Variants in LPCAT3 observed in about 807,000 individuals in gnomAD.
LPCAT3 encodes the protein lysophospholipid acyltransferase 5.
A neutral mutation model predicts 63.4 loss-of-function variants in LPCAT3; 21 were observed. That is an observed-to-expected ratio of 0.33 (90% CI 0.23 to 0.48). LPCAT3 has a LOEUF of 0.48. Among genes scored for constraint, LPCAT3 ranks in the 20% least tolerant of loss-of-function variants. LPCAT3 has a pLI of 0.99. For missense variants in LPCAT3, 451 were observed against 590.6 expected (o/e 0.76, Z 2.45); for synonymous variants, 242 against 227.5 (o/e 1.06, Z -0.58).
intron 1 of LPCAT3, among the ~76,000 whole-genome samples, chr12:7,015,167 G>A (rs1362101711): frequency 6.6e-6 from 1 of 152,210 alleles, no homozygotes; most frequent in Non-Finnish European, 1.5e-5. Flanking sequence ...ACACAGAACT[G>A]AAGTAAAAAA....
chr12:7,006,769 T>G (rs34962575), intron 1 of LPCAT3, among the ~76,000 whole-genome samples: 26,552 of 152,102 alleles, frequency 0.17, 3,999 homozygotes, highest in African/African-American at 0.41. Context: ...GAACTTTATG[T>G]GTACTATTTC....
At chr12:6,978,005 A>G (rs945386928) in intron 9 of LPCAT3, 3 of 560,540 alleles carry the variant, frequency 5.4e-6, no homozygotes, top group Non-Finnish European at 9.6e-6. Flanking sequence ...TCAGTGGTGA[A>G]CCAGACACTC....
chr12:6,997,307 C>G (rs1946644975), intron 1 of LPCAT3: 1 of 151,798 alleles, frequency 6.6e-6, no homozygotes, highest in Admixed American at 6.6e-5. Context: ...TCAAGTGATC[C>G]TCCTGCCTGA....
chr12:7,013,723 C>T lies in LPCAT3; in HGVS notation c.151+4551G>A, dbSNP rs781903584. ...TGCCCACTTTCTCCTCTCAGCACAG[C>T]CACCCTGCCTCCAAGTCATTATAAC... On this transcript the variant is annotated intron_variant, in intron 1 of 12. Transcript: ENST00000261407. Among the ~76,000 whole-genome samples, 6 of 152,290 alleles carry T rather than the reference C, an allele frequency of 3.9e-5. No homozygotes were observed. In the East Asian group the frequency reaches 9.6e-4, roughly 24 times the overall value.
At chr12:6,982,583 G>A in intron 3 of LPCAT3, 93 bp downstream of exon 3, 2 of 895,300 alleles carry the variant, frequency 2.2e-6, no homozygotes, top group Non-Finnish European at 3.6e-6. Context: ...TAGAAATTAG[G>A]TCTGCTAATT....
At chr12:7,005,326 TATTC>T (rs781991008) in intron 1 of LPCAT3, among the ~76,000 whole-genome samples, 12 of 152,258 alleles carry the variant, frequency 7.9e-5, no homozygotes, top group Non-Finnish European at 1.3e-4. Context: ...ACATTTTGTG[TATTC>T]ATTCAATTTG....
At chr12:7,005,332 T>C (rs1310811184) in intron 1 of LPCAT3, among the ~76,000 whole-genome samples, 1 of 152,256 alleles carries the variant, frequency 6.6e-6, no homozygotes, top group African/African-American at 2.4e-5. Flanking sequence ...TGTGTATTCA[T>C]TCAATTTGTC....
rs782260729 is a variant in LPCAT3 at position 6,994,283 on chromosome 12, C to T, written c.152-10744G>A. On this transcript the variant is annotated intron_variant, in intron 1 of 12. Transcript: ENST00000261407. The stretch of plus-strand genomic sequence containing the variant: ...AGTGCAGTGGCATGATCTTGGCTCA[C>T]GGCAACCTCCGCTTCCCAGGTTCAA... Among the ~76,000 whole-genome samples, 13 of 152,280 alleles carry T rather than the reference C, an allele frequency of 8.5e-5. No individual in the cohort carries two copies. The East Asian group carries it at 2.3e-3, about 27-fold the overall frequency.
At chr12:6,997,468 C>CA (rs1462479427) in intron 1 of LPCAT3, 3 of 154,358 alleles carry the variant, frequency 1.9e-5, no homozygotes, top group Non-Finnish European at 4.3e-5. Flanking sequence ...GGCTGGAGTG[C>CA]AGTGGTGCAA....
chr12:6,981,778 A>T (rs1275378792), intron 4 of LPCAT3, 33 bp downstream of exon 4: 1 of 1,559,250 alleles, frequency 6.4e-7, no homozygotes, highest in Non-Finnish European at 8.8e-7. Context: ...AGGGACCTAC[A>T]TGTAAGGAAG....
rs781810949 is a variant in LPCAT3 at position 6,978,663 on chromosome 12, C to T, written c.813G>A (p.Met271Ile). 3.1e-6 allele frequency: 5 copies of T among 1,614,216 alleles called. No homozygotes were observed. Among genetic ancestry groups the T allele is most frequent in the Middle Eastern group, 1.6e-4 (1 of 6,062 alleles). Residue 271 changes from methionine (M) to isoleucine (I), a missense_variant, in exon 8 of 13, where the codon ATG becomes ATA. Transcript: ENST00000261407. ...YDNHPFWFRCMYMLIWGKFVL... is the reference protein window; with the variant it reads ...YDNHPFWFRCIYMLIWGKFVL... ...CAAACTTGCCCCAGATCAGCATGTA[C>T]ATGCAGCGGAACCAGAAGGGGTGGT...
intron 1 of LPCAT3, 95 bp from the exon 2 acceptor site, chr12:6,983,634 G>A: frequency 2.7e-6 from 2 of 745,202 alleles, no homozygotes; most frequent in African/African-American, 1.8e-5. Context: ...CAGCCCAGAG[G>A]GAGAGAGAAA....
At chr12:7,013,407 G>A (rs1479395124) in intron 1 of LPCAT3, among the ~76,000 whole-genome samples, 1 of 152,210 alleles carries the variant, frequency 6.6e-6, no homozygotes, top group Non-Finnish European at 1.5e-5. Flanking sequence ...GGCTGCTTTT[G>A]GAGAGTGGAC....
At chr12:7,016,667 A>T (rs782217296) in intron 1 of LPCAT3, among the ~76,000 whole-genome samples, 1 of 152,242 alleles carries the variant, frequency 6.6e-6, no homozygotes, top group Non-Finnish European at 1.5e-5. Flanking sequence ...GATTATAAGC[A>T]TAAGCCGCTG....
At position 6,989,371 on chromosome 12, in the gene LPCAT3, G is replaced by A. The variant is rs781965065; in HGVS notation, c.152-5832C>T. ...GTCGCCCAGGCTGGAGTGCAGTGGT[G>A]CAATCTCGGCTCACTGCAAGCTCCG... On this transcript the variant is annotated intron_variant, in intron 1 of 12. Transcript: ENST00000261407. Among the ~76,000 whole-genome samples, 14 of 147,858 alleles carry A rather than the reference G, an allele frequency of 9.5e-5. No individual in the cohort carries two copies. In the South Asian group the frequency reaches 1.9e-3, roughly 21 times the overall value.
Position 6,987,656 on chromosome 12 carries a change from G to C in LPCAT3, c.152-4117C>G, listed in dbSNP as rs1555154950. 2.5e-6 allele frequency: 1 copy of C among 394,900 alleles called. No homozygotes were observed. The highest frequency in any genetic ancestry group is 4.5e-6 in the Non-Finnish European group (1 of 224,416). The allele number at this position is 394,900 out of a possible 1,614,324, so 24.5% of individuals were successfully genotyped here. On this transcript the variant is annotated intron_variant, in intron 1 of 12. Transcript: ENST00000261407. The surrounding 1 kb of genome is among the most constrained non-coding windows in gnomAD (Gnocchi z 4.1). The stretch of plus-strand genomic sequence containing the variant: ...AATTATCTAGAGCACTCATAAATAA[G>C]TTCTAGGTAGCTAAGTTTCTCTCTT...
intron 1 of LPCAT3, among the ~76,000 whole-genome samples, chr12:6,993,070 G>C (rs1204651718): frequency 6.6e-6 from 1 of 152,216 alleles, no homozygotes; most frequent in Middle Eastern, 3.4e-3. Context: ...CAGTTTCCTG[G>C]ATTTTTTTCT....
chr12:7,018,235 G>A lies in LPCAT3; in HGVS notation c.151+39C>T, dbSNP rs781844095. The A allele has an allele frequency of 1.7e-5, 26 of 1,568,822 alleles. No individual in the cohort carries two copies. The highest frequency in any genetic ancestry group is 8.1e-5 in the African/African-American group (6 of 74,146). ...CCCCATTCCTCCCCTACTCCCCGGG[G>A]ACTCCGCGAGGGGCGGAGGGAGGCA... On this transcript the variant is annotated intron_variant, in intron 1 of 12. Transcript: ENST00000261407. The surrounding 1 kb of genome is among the most constrained non-coding windows in gnomAD (Gnocchi z 4.9).
intron 6 of LPCAT3, 143 bp downstream of exon 6, chr12:6,980,861 C>CA: frequency 3.0e-6 from 2 of 673,320 alleles, no homozygotes; most frequent in Non-Finnish European, 4.7e-6. Context: ...ACTCCTGGCA[C>CA]AGAGTGCCTG....
Sources: allele counts gnomAD v4.1 joint callset (sites outside exome capture counted in the v4.1 genomes callset), GRCh38; gene constraint gnomAD v4.1.1; non-coding constraint Gnocchi (gnomAD v3.1); transcripts MANE v1.5; gene names NCBI Gene and HGNC (gene_info 2026-07-23, HGNC 2026-07-21).